RAB38: variants seen among roughly 807,000 people sequenced by gnomAD.
RAB38 encodes RAB38, member RAS oncogene family, also known as ras-related protein Rab-38.
RAB38 carries 15 observed loss-of-function variants against 18.4 expected under a neutral mutation model. That is an observed-to-expected ratio of 0.82 (90% CI 0.55 to 1.26). The LOEUF is 1.26. RAB38 is among the 50% of genes most tolerant of loss of function. The probability of loss-of-function intolerance (pLI) is 0.00; values close to 1 mark genes in which losing one functional copy is unlikely to be tolerated. For missense variants in RAB38, 294 were observed against 267.4 expected (o/e 1.10, Z -0.69); for synonymous variants, 101 against 104.4 (o/e 0.97, Z 0.20).
the RAB38 span, among the ~76,000 whole-genome samples, chr11:87,834,810 G>A: frequency 1.3e-5 from 2 of 152,170 alleles, no homozygotes; most frequent in African/African-American, 4.8e-5. Context: ...AACTAGTTGT[G>A]GTGAAGGGTT....
the RAB38 span, among the ~76,000 whole-genome samples, chr11:88,012,921 C>G: frequency 1.3e-5 from 2 of 152,072 alleles, no homozygotes; most frequent in African/African-American, 2.4e-5. Flanking sequence ...GAATTTCAAA[C>G]AAAGGACTAC....
the RAB38 span, among the ~76,000 whole-genome samples, chr11:88,098,915 G>GA: frequency 3.9e-5 from 6 of 151,906 alleles, no homozygotes; most frequent in African/African-American, 1.2e-4. Context: ...TACCAGGCAT[G>GA]ATACTGAAAA....
At chr11:88,069,366 C>T in the RAB38 span, among the ~76,000 whole-genome samples, 10 of 152,334 alleles carry the variant, frequency 6.6e-5, no homozygotes, top group South Asian at 2.1e-4. Context: ...CAAGCCTCCC[C>T]GACGGGCACC....
the RAB38 span, among the ~76,000 whole-genome samples, chr11:87,897,306 G>C: frequency 6.6e-6 from 1 of 151,374 alleles, no homozygotes; most frequent in South Asian, 2.1e-4. Context: ...ATTCCTATTT[G>C]AAAAATTGTA....
At chr11:87,977,690 A>G in the RAB38 span, among the ~76,000 whole-genome samples, 1 of 115,504 alleles carries the variant, frequency 8.7e-6, no homozygotes, top group African/African-American at 3.4e-5. Context: ...TATGTCATAT[A>G]ATATATAGGG....
the RAB38 span, among the ~76,000 whole-genome samples, chr11:87,893,390 A>ATATATATATATTTTTTTTTT: frequency 1.1e-5 from 1 of 93,916 alleles, no homozygotes; most frequent in Admixed American, 1.5e-4. Context: ...ATATATATAT[A>ATATATATATATTTTTTTTTT]TTTTTTTTTT....
the RAB38 span, among the ~76,000 whole-genome samples, chr11:87,977,867 A>C: frequency 0.069 from 7,622 of 111,018 alleles, 396 homozygotes; most frequent in South Asian, 0.16. Flanking sequence ...ATATACTTAC[A>C]AATATATATA....
chr11:88,015,549 T>C, the RAB38 span, among the ~76,000 whole-genome samples: 1 of 152,064 alleles, frequency 6.6e-6, no homozygotes, highest in African/African-American at 2.4e-5. Context: ...CTTGCAGGGG[T>C]TCAGGATATG....
the RAB38 span, among the ~76,000 whole-genome samples, chr11:88,017,500 C>T: frequency 2.6e-5 from 4 of 151,502 alleles, no homozygotes; most frequent in African/African-American, 9.7e-5. Context: ...TCATGGGTCT[C>T]AAGGACATCT....
chr11:87,894,247 G>C, the RAB38 span, among the ~76,000 whole-genome samples: 2 of 151,564 alleles, frequency 1.3e-5, no homozygotes, highest in Non-Finnish European at 3.0e-5. Context: ...CTAAATAAGA[G>C]GGCCAATCAG....
At chr11:88,091,011 A>G in the RAB38 span, among the ~76,000 whole-genome samples, 1 of 152,012 alleles carries the variant, frequency 6.6e-6, no homozygotes, top group Non-Finnish European at 1.5e-5. Flanking sequence ...CAAACAAAAC[A>G]TACATTTTAG....
the RAB38 span, among the ~76,000 whole-genome samples, chr11:87,845,799 C>G: frequency 6.6e-6 from 1 of 152,052 alleles, no homozygotes; most frequent in African/African-American, 2.4e-5. Context: ...GAGAAAATGA[C>G]ATATTACTTA....
chr11:87,905,213 T>A, the RAB38 span, among the ~76,000 whole-genome samples: 1 of 151,752 alleles, frequency 6.6e-6, no homozygotes, highest in Non-Finnish European at 1.5e-5. Context: ...AAAAATTTTC[T>A]TTCTCATAAT....
intron 2 of RAB38, among the ~76,000 whole-genome samples, chr11:88,131,497 T>TA (rs1313754273): frequency 6.6e-6 from 1 of 152,208 alleles, no homozygotes; most frequent in Non-Finnish European, 1.5e-5. Context: ...TAACTGCAGT[T>TA]ATGACTAATG....
At chr11:88,090,026 T>TG in the RAB38 span, among the ~76,000 whole-genome samples, 1 of 151,582 alleles carries the variant, frequency 6.6e-6, no homozygotes, top group Non-Finnish European at 1.5e-5. Flanking sequence ...CTGGAGAGGG[T>TG]GTTAGCCTTC....
chr11:87,842,818 A>ACACACACACACGCGCGCG, the RAB38 span, among the ~76,000 whole-genome samples: 1 of 4,204 alleles, frequency 2.4e-4, no homozygotes, highest in African/African-American at 5.1e-4. Flanking sequence ...ACGCGCGCGC[A>ACACACACACACGCGCGCG]CACACACACA....
chr11:87,941,904 A>AG, the RAB38 span, among the ~76,000 whole-genome samples: 32 of 152,204 alleles, frequency 2.1e-4, no homozygotes, highest in African/African-American at 7.0e-4. Context: ...CAGCAGAAAG[A>AG]AGCTCTCCTC....
the RAB38 span, among the ~76,000 whole-genome samples, chr11:87,955,420 G>C: frequency 6.6e-6 from 1 of 152,074 alleles, no homozygotes. Context: ...CACTACTAGG[G>C]TGACATGATC....
chr11:87,830,554 T>A, the RAB38 span, among the ~76,000 whole-genome samples: 1 of 152,050 alleles, frequency 6.6e-6, no homozygotes, highest in African/African-American at 2.4e-5. Context: ...AGAGCATTTT[T>A]AAAGCCTTAC....
Sources: allele counts gnomAD v4.1 joint callset (sites outside exome capture counted in the v4.1 genomes callset), GRCh38; gene constraint gnomAD v4.1.1; transcripts MANE v1.5; gene names NCBI Gene and HGNC (gene_info 2026-07-23, HGNC 2026-07-21).